PCDH15: variants seen among roughly 807,000 people sequenced by gnomAD.
PCDH15 encodes the protein protocadherin related 15, also known as protocadherin-15.
Under a neutral mutation model 178.5 loss-of-function variants are expected in PCDH15, and 129 were observed. That is an observed-to-expected ratio of 0.72 (90% confidence interval 0.63 to 0.84). The LOEUF is 0.84. Ranked by LOEUF, PCDH15 falls within the 40% of genes least tolerant of loss-of-function variation. PCDH15 has a pLI of 0.00. For missense variants in PCDH15, 2,230 were observed against 2,099.9 expected, an observed-to-expected ratio of 1.06 and a Z score of -1.21; for synonymous variants, 800 against 732.0, an observed-to-expected ratio of 1.09 and a Z score of -1.50.
intron 3 of PCDH15, among the ~76,000 whole-genome samples, chr10:54,389,343 A>T (rs1196849757): frequency 1.3e-5 from 2 of 152,030 alleles, no homozygotes; most frequent in Admixed American, 6.6e-5. Flanking sequence ...GAACTTTTAA[A>T]CTCCTCTAAA....
intron 2 of PCDH15, among the ~76,000 whole-genome samples, chr10:54,617,304 T>C (rs2093196088): frequency 6.6e-6 from 1 of 152,118 alleles, no homozygotes; most frequent in South Asian, 2.1e-4. Flanking sequence ...TTTTAAGATC[T>C]TGTAAGATCT....
intron 1 of PCDH15, among the ~76,000 whole-genome samples, chr10:54,712,834 AT>A (rs1213902389): frequency 6.6e-6 from 1 of 152,026 alleles, no homozygotes; most frequent in Admixed American, 6.6e-5. Context: ...CATGTCCTAA[AT>A]TTTAATTATC....
At chr10:54,514,347 A>C (rs2081999095) in intron 3 of PCDH15, among the ~76,000 whole-genome samples, 1 of 152,106 alleles carries the variant, frequency 6.6e-6, no homozygotes. Flanking sequence ...AACAATAATA[A>C]AGACTTTATA....
intron 2 of PCDH15, among the ~76,000 whole-genome samples, chr10:54,993,720 A>C (rs1839569013): frequency 6.6e-6 from 1 of 152,134 alleles, no homozygotes; most frequent in Non-Finnish European, 1.5e-5. Context: ...GATAACAAGA[A>C]CATGCTGAGA....
chr10:55,470,326 A>G (rs573908607), intron 2 of PCDH15, among the ~76,000 whole-genome samples: 66 of 152,088 alleles, frequency 4.3e-4, no homozygotes, highest in Non-Finnish European at 8.2e-4. Context: ...AGCCTGGGTG[A>G]CAGAGTGAGA....
intron 1 of PCDH15, among the ~76,000 whole-genome samples, chr10:55,224,431 T>A (rs573870010): frequency 1.6e-4 from 24 of 152,180 alleles, no homozygotes; most frequent in African/African-American, 5.8e-4. Context: ...GGTCCTTGTG[T>A]GCTTTTGCTT....
At chr10:54,491,124 T>C (rs1435432432) in intron 3 of PCDH15, among the ~76,000 whole-genome samples, 1 of 152,038 alleles carries the variant, frequency 6.6e-6, no homozygotes, top group Non-Finnish European at 1.5e-5. Context: ...TTAAGAGAGA[T>C]GTAGTAGAAA....
chr10:55,385,008 C>T (rs893102861), intron 2 of PCDH15, among the ~76,000 whole-genome samples: 2 of 152,102 alleles, frequency 1.3e-5, no homozygotes, highest in African/African-American at 4.8e-5. Flanking sequence ...GTAAAGGATA[C>T]ATAATTACAG....
At chr10:54,680,680 T>C (rs976815096) in intron 1 of PCDH15, among the ~76,000 whole-genome samples, 2 of 152,116 alleles carry the variant, frequency 1.3e-5, no homozygotes, top group African/African-American at 4.8e-5. Context: ...ATAAGTCTCA[T>C]GAGATCTGGT....
At chr10:55,484,208 T>C (rs971004343) in intron 2 of PCDH15, among the ~76,000 whole-genome samples, 2 of 151,668 alleles carry the variant, frequency 1.3e-5, no homozygotes, top group Non-Finnish European at 3.0e-5. Flanking sequence ...AATACCTGGT[T>C]AGTAAGATAA....
chr10:54,417,487 G>T (rs1790326772), intron 3 of PCDH15, among the ~76,000 whole-genome samples: 1 of 152,040 alleles, frequency 6.6e-6, no homozygotes. Flanking sequence ...TGCAAATTCT[G>T]CTGTTTCTGC....
chr10:54,472,214 C>T (rs2077965765), intron 3 of PCDH15, among the ~76,000 whole-genome samples: 1 of 150,720 alleles, frequency 6.6e-6, no homozygotes, highest in African/African-American at 2.4e-5. Context: ...GTTGTTTTAA[C>T]ATGTTTCCCC....
intron 1 of PCDH15, among the ~76,000 whole-genome samples, chr10:54,728,061 C>T (rs1267492562): frequency 6.6e-6 from 1 of 151,352 alleles, no homozygotes; most frequent in Non-Finnish European, 1.5e-5. Flanking sequence ...TGAGGAGGGA[C>T]TTCTCCCTAA....
chr10:54,089,163 C>G (rs2094560449), intron 16 of PCDH15, among the ~76,000 whole-genome samples: 1 of 152,180 alleles, frequency 6.6e-6, no homozygotes, highest in African/African-American at 2.4e-5. Flanking sequence ...GACTAATTGA[C>G]CAGCACATGG....
At chr10:55,459,852 A>G (rs1354364003) in intron 2 of PCDH15, among the ~76,000 whole-genome samples, 1 of 152,090 alleles carries the variant, frequency 6.6e-6, no homozygotes, top group Non-Finnish European at 1.5e-5. Context: ...TGGCTATGTG[A>G]GTGGTTATGT....
chr10:55,160,397 T>C (rs1839032063), intron 2 of PCDH15, among the ~76,000 whole-genome samples: 1 of 151,950 alleles, frequency 6.6e-6, no homozygotes, highest in African/African-American at 2.4e-5. Context: ...GGAGGTGTTG[T>C]AGGTTTTACT....
Position 53,827,505 on chromosome 10 carries a change from A to C in PCDH15, c.4255T>G (p.Leu1419Val). The C allele has an allele frequency of 6.2e-7, 1 of 1,614,104 alleles. No individual in the cohort carries two copies. Among genetic ancestry groups the C allele is most frequent in the Non-Finnish European group, 8.5e-7 (1 of 1,179,948 alleles). ...GGCACTGCTGGTTTAGCCGCGGGTAATGCGGCCTGAATTCGTGCAGTCTTT... is the reference window on the plus strand; with the variant it reads ...GGCACTGCTGGTTTAGCCGCGGGTACTGCGGCCTGAATTCGTGCAGTCTTT... ...CTKTARIQAA[L>V]PAAKPAVPAP... The change falls in exon 32 of 38, where the codon TTA becomes GTA. Residue 1419 changes from leucine (L) to valine (V), a missense_variant. Transcript: ENST00000644397.
intron 15 of PCDH15, among the ~76,000 whole-genome samples, chr10:54,131,309 G>A (rs2042416257): frequency 1.3e-5 from 2 of 152,008 alleles, no homozygotes; most frequent in South Asian, 4.1e-4. Flanking sequence ...TTCTTGACCT[G>A]AATCTTACAC....
At chr10:54,622,716 TAA>T in intron 2 of PCDH15, among the ~76,000 whole-genome samples, 1 of 32,466 alleles carries the variant, frequency 3.1e-5, no homozygotes, top group Non-Finnish European at 6.7e-5. Context: ...ATATTATATA[TAA>T]TATATATTAT....
Sources: allele counts gnomAD v4.1 joint callset (sites outside exome capture counted in the v4.1 genomes callset), GRCh38; gene constraint gnomAD v4.1.1; transcripts MANE v1.5; gene names NCBI Gene and HGNC (gene_info 2026-07-23, HGNC 2026-07-21).